Variants in SLC25A26 observed in about 807,000 individuals in gnomAD.
The protein encoded by SLC25A26 is solute carrier family 25 member 26.
Under a neutral mutation model 37.8 loss-of-function variants are expected in SLC25A26, and 36 were observed. The ratio of observed to expected loss-of-function variants is 0.95; its 90% CI spans 0.73 to 1.26. The LOEUF (loss-of-function observed/expected upper bound fraction) is 1.26. Among genes scored for constraint, SLC25A26 ranks in the 50% most tolerant of loss-of-function variants. SLC25A26 has a pLI of 0.00. For synonymous variants in SLC25A26, 129 were observed against 122.5 expected (o/e 1.05, Z -0.35); for missense variants, 390 against 331.1 (o/e 1.18, Z -1.38).
chr3:66,263,145 G>A (rs567128344), intron 4 of SLC25A26, among the ~76,000 whole-genome samples, 187 bp from the exon 5 acceptor site: 2 of 152,280 alleles, frequency 1.3e-5, no homozygotes, highest in Middle Eastern at 3.4e-3. Context: ...AGTTATAGAG[G>A]TATATAAGTT....
chr3:66,229,032 T>C (rs997183491), intron 1 of SLC25A26, among the ~76,000 whole-genome samples: 2 of 152,222 alleles, frequency 1.3e-5, no homozygotes, highest in Non-Finnish European at 2.9e-5. Context: ...AATATAGGAA[T>C]GTCATCTTCA....
At chr3:66,192,112 C>T (rs922679920) in intron 1 of SLC25A26, among the ~76,000 whole-genome samples, 21 of 151,758 alleles carry the variant, frequency 1.4e-4, no homozygotes, top group Middle Eastern at 3.2e-3. Flanking sequence ...GTCAGGAGTT[C>T]GAGACCAGCA....
intron 5 of SLC25A26, among the ~76,000 whole-genome samples, chr3:66,299,082 A>G (rs917156071): frequency 2.6e-5 from 4 of 152,152 alleles, no homozygotes; most frequent in African/African-American, 9.7e-5. Flanking sequence ...ATGAATACGT[A>G]CCTATGTATA....
intron 5 of SLC25A26, among the ~76,000 whole-genome samples, chr3:66,337,784 A>G (rs1282117656): frequency 6.6e-6 from 1 of 152,028 alleles, no homozygotes; most frequent in Non-Finnish European, 1.5e-5. Flanking sequence ...TTATAATATA[A>G]TGAACCATGC....
chr3:66,260,004 C>G (rs557707517), intron 3 of SLC25A26, among the ~76,000 whole-genome samples: 1 of 152,240 alleles, frequency 6.6e-6, no homozygotes, highest in South Asian at 2.1e-4. Context: ...CCCTGAACAC[C>G]CTGCTTTTGT....
chr3:66,260,625 A>G (rs1310337107), intron 3 of SLC25A26, among the ~76,000 whole-genome samples: 1 of 152,196 alleles, frequency 6.6e-6, no homozygotes, highest in Non-Finnish European at 1.5e-5. Context: ...ATCACATCAC[A>G]TGGTGTCTTT....
intron 5 of SLC25A26, among the ~76,000 whole-genome samples, chr3:66,295,233 G>GTT (rs139760250): frequency 1.1e-4 from 16 of 151,554 alleles, no homozygotes; most frequent in Admixed American, 3.3e-4. Context: ...TTGCTTGTGT[G>GTT]TTTTTTTTGA....
chr3:66,186,166 C>T (rs978971232), intron 1 of SLC25A26, among the ~76,000 whole-genome samples: 18,570 of 151,872 alleles, frequency 0.12, 1,385 homozygotes, highest in African/African-American at 0.2. Context: ...AACCTAAACC[C>T]GCGTGATATT....
rs1433201943 is a variant in SLC25A26 at position 66,243,348 on chromosome 3, A to T, written c.300+36A>T. 9.1e-6 allele frequency: 9 copies of T among 988,748 alleles called. No homozygotes were observed. The East Asian group carries it at 2.2e-4, about 24-fold the overall frequency. The allele number at this position is 988,748 out of a possible 1,614,324, so 61.2% of individuals were successfully genotyped here. ...AGTTTTGTGTATAAAATACTTCAGA[A>T]ATGCACATCATGCATATATTTTCAG... On this transcript the variant is annotated intron_variant, in intron 3 of 9. Coordinates refer to ENST00000354883, the MANE Select transcript of SLC25A26 (RefSeq NM_001379210.1).
At chr3:66,231,560 G>GT (rs1209768901) in intron 1 of SLC25A26, among the ~76,000 whole-genome samples, 1 of 151,950 alleles carries the variant, frequency 6.6e-6, no homozygotes, top group Non-Finnish European at 1.5e-5. Flanking sequence ...ATTAACAGTA[G>GT]TATTTCTCAT....
intron 1 of SLC25A26, among the ~76,000 whole-genome samples, chr3:66,151,221 G>T (rs923402758): frequency 1.3e-5 from 2 of 152,148 alleles, no homozygotes; most frequent in African/African-American, 4.8e-5. Context: ...AGCAAAGAAG[G>T]TATGTGCCAA....
intron 1 of SLC25A26, among the ~76,000 whole-genome samples, chr3:66,154,844 A>G (rs1431692866): frequency 6.6e-6 from 1 of 152,238 alleles, no homozygotes; most frequent in Non-Finnish European, 1.5e-5. Context: ...TAGCTTGCCT[A>G]TAAAATGGGC....
intron 5 of SLC25A26, among the ~76,000 whole-genome samples, chr3:66,342,572 A>C (rs1168625305): frequency 1.3e-5 from 2 of 151,556 alleles, no homozygotes; most frequent in Admixed American, 1.3e-4. Flanking sequence ...GATTACAGGG[A>C]TAGAAGCATT....
At chr3:66,150,134 G>C (rs1307694098) in intron 1 of SLC25A26, among the ~76,000 whole-genome samples, 2 of 151,996 alleles carry the variant, frequency 1.3e-5, no homozygotes. Context: ...AAGATCTAAA[G>C]GTACAAAGGT....
chr3:66,176,405 A>G (rs187904987), intron 1 of SLC25A26, among the ~76,000 whole-genome samples: 1 of 152,340 alleles, frequency 6.6e-6, no homozygotes. Flanking sequence ...GGATGGTGGC[A>G]TCCTTTAGAA....
chr3:66,272,737 A>G (rs2073999381), intron 5 of SLC25A26, among the ~76,000 whole-genome samples: 1 of 152,138 alleles, frequency 6.6e-6, no homozygotes, highest in South Asian at 2.1e-4. Flanking sequence ...TACTGCTGCA[A>G]ACAGGGACAA....
At chr3:66,315,408 A>G (rs1460889737) in intron 5 of SLC25A26, among the ~76,000 whole-genome samples, 3 of 152,042 alleles carry the variant, frequency 2.0e-5, no homozygotes, top group East Asian at 3.9e-4. Flanking sequence ...AGGTTGTTCA[A>G]TTTCCATATA....
intron 5 of SLC25A26, among the ~76,000 whole-genome samples, chr3:66,316,598 G>A (rs866142171): frequency 1.3e-5 from 2 of 151,998 alleles, no homozygotes; most frequent in Non-Finnish European, 1.5e-5. Context: ...TATGTCTTGG[G>A]GTTGATATTC....
rs1395905357 is a variant in SLC25A26 at position 66,300,243 on chromosome 3, G to GTT, written c.453+36870_453+36871dup. Among the ~76,000 whole-genome samples, 214 of 113,332 alleles carry GTT rather than the reference G, an allele frequency of 1.9e-3. 2 individuals carry two copies. The highest frequency in any genetic ancestry group is 6.3e-3 in the African/African-American group (209 of 33,410). 74.4% of individuals were successfully genotyped at this position (113,332 alleles called of 152,430 possible). A position where few individuals can be genotyped will look rare whatever the true frequency, so the allele number is the denominator to read the frequency against. On this transcript the variant is annotated intron_variant, in intron 5 of 9. Transcript: ENST00000354883. ...AACTCCAGTGGACTTCTAGGCTAGG[G>GTT]TTTTTTTGTTTTGTTTTTTTTTTTT...
Sources: allele counts gnomAD v4.1 joint callset (sites outside exome capture counted in the v4.1 genomes callset), GRCh38; gene constraint gnomAD v4.1.1; transcripts MANE v1.5; gene names NCBI Gene and HGNC (gene_info 2026-07-23, HGNC 2026-07-21).